Variants in USP15 observed in about 807,000 individuals in gnomAD.
USP15 encodes the protein ubiquitin carboxyl-terminal hydrolase 15.
In USP15, 18 loss-of-function variants were observed where a neutral mutation model predicts 127.1. That is an observed-to-expected ratio of 0.14 (90% confidence interval 0.10 to 0.21). The LOEUF is 0.21. USP15 is among the 10% of genes least tolerant of loss of function. USP15 has a pLI of 1.00. For synonymous variants in USP15, 364 were observed against 393.7 expected (o/e 0.92, Z 0.89); for missense variants, 805 against 1,159.9 (o/e 0.69, Z 4.44).
At chr12:62,329,159 G>T (rs1208500033) in intron 6 of USP15, among the ~76,000 whole-genome samples, 1 of 152,144 alleles carries the variant, frequency 6.6e-6, no homozygotes, top group African/African-American at 2.4e-5. Context: ...ACTTTGAGTG[G>T]TCAGGAGTTC....
chr12:62,283,609 A>G (rs562626880), intron 1 of USP15, among the ~76,000 whole-genome samples: 2 of 152,330 alleles, frequency 1.3e-5, no homozygotes, highest in South Asian at 4.1e-4. Context: ...AGGTAAAACT[A>G]CTAAGAGTTC....
intron 6 of USP15, among the ~76,000 whole-genome samples, chr12:62,344,164 C>A (rs1482687127): frequency 6.6e-6 from 1 of 152,124 alleles, no homozygotes; most frequent in Admixed American, 6.5e-5. Flanking sequence ...GTGTCTCATT[C>A]AAGACAAGGC....
chr12:62,308,623 T>G (rs1004173377), intron 3 of USP15, among the ~76,000 whole-genome samples: 1 of 152,092 alleles, frequency 6.6e-6, no homozygotes, highest in African/African-American at 2.4e-5. Context: ...GAGCTTGTAA[T>G]TAAGATTTGA....
intron 1 of USP15, among the ~76,000 whole-genome samples, chr12:62,271,077 AGAT>A (rs1481068619): frequency 6.6e-6 from 1 of 152,038 alleles, no homozygotes; most frequent in Non-Finnish European, 1.5e-5. Flanking sequence ...TTAAGAACAT[AGAT>A]AAGTGTGCTA....
In USP15 at chr12:62,314,792, G is replaced by T. The variant is rs777074157; in HGVS notation, c.351G>T (p.Val117=). The T allele has an allele frequency of 1.9e-6, 3 of 1,560,030 alleles. No homozygotes were observed. Among genetic ancestry groups the T allele is most frequent in the African/African-American group, 2.8e-5 (2 of 72,684 alleles). The change falls in exon 4 of 22, where the codon GTG becomes GTT. Residue 117 remains valine (V), a splice_region_variant and synonymous_variant. Transcript: ENST00000280377. ...TTTGTTTTGTTTCATTATTTTAGGT[G>T]GTTGAACAGGGTATGTTTGTAAAGC... ...MEGQEPIARK[V]VEQGMFVKHC...
intron 3 of USP15, chr12:62,304,653 C>T (rs1050554787): frequency 1.6e-5 from 7 of 445,414 alleles, no homozygotes; most frequent in African/African-American, 1.0e-4. Context: ...TCAAAGATCT[C>T]TAAAATGCGT....
intron 1 of USP15, among the ~76,000 whole-genome samples, chr12:62,274,524 C>A (rs926927176): frequency 6.6e-6 from 1 of 151,734 alleles, no homozygotes; most frequent in Non-Finnish European, 1.5e-5. Context: ...TGCTGTCTGT[C>A]GTCCCAGCTA....
chr12:62,341,897 G>C (rs2065658383), intron 6 of USP15, among the ~76,000 whole-genome samples: 2 of 152,126 alleles, frequency 1.3e-5, no homozygotes, highest in South Asian at 4.1e-4. Context: ...GTGGTGGTCT[G>C]TGTATTTCCT....
At chr12:62,340,179 G>A (rs2065603786) in intron 6 of USP15, among the ~76,000 whole-genome samples, 1 of 152,174 alleles carries the variant, frequency 6.6e-6, no homozygotes, top group Admixed American at 6.5e-5. Context: ...GCATAGAGGT[G>A]TTTATAGTAC....
At chr12:62,328,104 A>G (rs2065184804) in intron 6 of USP15, among the ~76,000 whole-genome samples, 1 of 152,198 alleles carries the variant, frequency 6.6e-6, no homozygotes, top group Non-Finnish European at 1.5e-5. Context: ...TTTAAGTAAG[A>G]GGAGAAGATA....
intron 1 of USP15, among the ~76,000 whole-genome samples, chr12:62,265,828 C>G (rs948926231): frequency 6.6e-6 from 1 of 152,202 alleles, no homozygotes; most frequent in East Asian, 1.9e-4. Context: ...GCTGGGATTA[C>G]AGGTGTGAAC....
chr12:62,379,919 G>C (rs1454567582), intron 8 of USP15, among the ~76,000 whole-genome samples: 1 of 152,002 alleles, frequency 6.6e-6, no homozygotes, highest in East Asian at 1.9e-4. Flanking sequence ...AAACTCAAAA[G>C]GAGTATAAGA....
At chr12:62,327,677 T>C (rs1198508253) in intron 6 of USP15, 1 of 435,018 alleles carries the variant, frequency 2.3e-6, no homozygotes, top group Non-Finnish European at 4.5e-6. Flanking sequence ...ATCATTTTTA[T>C]TTATTCCAAC....
At chr12:62,272,122 G>A (rs2063358243) in intron 1 of USP15, among the ~76,000 whole-genome samples, 1 of 151,234 alleles carries the variant, frequency 6.6e-6, no homozygotes, top group Non-Finnish European at 1.5e-5. Context: ...TATCTCCTTA[G>A]TGTTGAAAAT....
intron 8 of USP15, among the ~76,000 whole-genome samples, chr12:62,374,791 T>G (rs535164429): frequency 1.2e-4 from 19 of 152,230 alleles, no homozygotes; most frequent in African/African-American, 4.6e-4. Context: ...AGAAGTACTT[T>G]CTGAAAATAA....
chr12:62,261,058 C>A (rs1214654576), intron 1 of USP15, among the ~76,000 whole-genome samples: 1 of 152,130 alleles, frequency 6.6e-6, no homozygotes, highest in African/African-American at 2.4e-5. Context: ...ACCCTAGTTT[C>A]CAGTTCCTTG....
chr12:62,275,516 G>A (rs887031735), intron 1 of USP15, among the ~76,000 whole-genome samples: 1 of 151,992 alleles, frequency 6.6e-6, no homozygotes, highest in Non-Finnish European at 1.5e-5. Context: ...GGGCCCATTA[G>A]ACTAGGAAGA....
intron 1 of USP15, among the ~76,000 whole-genome samples, chr12:62,267,904 A>G (rs1232543600): frequency 6.6e-6 from 1 of 152,102 alleles, no homozygotes; most frequent in Non-Finnish European, 1.5e-5. Flanking sequence ...ATATGTTTTT[A>G]CAGCTTAACA....
chr12:62,383,303 T>C (rs1229364794), intron 9 of USP15, among the ~76,000 whole-genome samples: 1 of 151,986 alleles, frequency 6.6e-6, no homozygotes, highest in East Asian at 1.9e-4. Context: ...TTGTTTTGCA[T>C]GTGTTTCTGT....
Sources: allele counts gnomAD v4.1 joint callset (sites outside exome capture counted in the v4.1 genomes callset), GRCh38; gene constraint gnomAD v4.1.1; transcripts MANE v1.5; gene names NCBI Gene and HGNC (gene_info 2026-07-23, HGNC 2026-07-21).